XKR9: variants seen among roughly 807,000 people sequenced by gnomAD.
XKR9 encodes the protein XK related 9, also known as XK-related protein 9.
Under a neutral mutation model 32.0 loss-of-function variants are expected in XKR9, and 32 were observed. The observed-to-expected ratio is 1.00, with a 90% confidence interval of 0.76 to 1.34. XKR9 has a LOEUF of 1.34. Ranked by LOEUF, XKR9 falls within the 40% of genes most tolerant of loss-of-function variation. XKR9 has a pLI of 0.00. For synonymous variants in XKR9, 168 were observed against 143.4 expected (o/e 1.17, Z -1.22); for missense variants, 546 against 429.7 (o/e 1.27, Z -2.39).
At chr8:70,839,587 T>G in the XKR9 span, among the ~76,000 whole-genome samples, 1 of 152,182 alleles carries the variant, frequency 6.6e-6, no homozygotes, top group Non-Finnish European at 1.5e-5. Context: ...AAAACTGATA[T>G]TCTTGCAAAA....
At chr8:70,920,693 T>A in the XKR9 span, among the ~76,000 whole-genome samples, 4 of 152,160 alleles carry the variant, frequency 2.6e-5, no homozygotes, top group African/African-American at 9.6e-5. Flanking sequence ...CCTCTTTATA[T>A]ATATTTTTTA....
the XKR9 span, among the ~76,000 whole-genome samples, chr8:70,837,530 G>C: frequency 6.6e-6 from 1 of 152,204 alleles, no homozygotes; most frequent in South Asian, 2.1e-4. Context: ...ACAGGATGAT[G>C]CTCTGGAGGC....
downstream of XKR9, among the ~76,000 whole-genome samples, chr8:70,739,670 C>A (rs1312056619): frequency 6.6e-6 from 1 of 152,080 alleles, no homozygotes; most frequent in Non-Finnish European, 1.5e-5. Context: ...TTGGTGGTGA[C>A]AAAATCTCTC....
At chr8:70,757,192 T>C (rs1807239107) in intron 2 of XKR9, among the ~76,000 whole-genome samples, 1 of 152,152 alleles carries the variant, frequency 6.6e-6, no homozygotes, top group South Asian at 2.1e-4. Context: ...GAAATCTCAT[T>C]TGGTTATGAA....
downstream of XKR9, among the ~76,000 whole-genome samples, chr8:70,738,909 A>T (rs1232344307): frequency 1.3e-5 from 2 of 152,146 alleles, no homozygotes; most frequent in African/African-American, 2.4e-5. Flanking sequence ...CAATTTTGGA[A>T]TAGGTGTGGT....
At chr8:70,695,269 T>G (rs1362593502) in intron 3 of XKR9, among the ~76,000 whole-genome samples, 2 of 150,910 alleles carry the variant, frequency 1.3e-5, no homozygotes, top group Non-Finnish European at 3.0e-5. Flanking sequence ...ACTGGTGTGC[T>G]GCACCCATTA....
chr8:71,032,887 C>T, the XKR9 span, among the ~76,000 whole-genome samples: 4 of 152,212 alleles, frequency 2.6e-5, no homozygotes, highest in African/African-American at 9.6e-5. Flanking sequence ...GAGTTCAAAC[C>T]CAGCCTGGCC....
At chr8:70,874,456 GTAA>G in the XKR9 span, among the ~76,000 whole-genome samples, 4 of 152,162 alleles carry the variant, frequency 2.6e-5, no homozygotes, top group Non-Finnish European at 4.4e-5. Context: ...CAGTAAGATA[GTAA>G]TATAAAATTA....
At chr8:70,790,316 G>A (rs373083240) in exon 4 of XKR9, 5 of 152,092 alleles carry the variant, frequency 3.3e-5, no homozygotes, top group South Asian at 4.1e-4. Flanking sequence ...ATGAAAATGT[G>A]CCTTTAAAAG....
chr8:70,784,508 T>C (rs1474877661), intron 2 of XKR9, among the ~76,000 whole-genome samples: 1 of 152,110 alleles, frequency 6.6e-6, no homozygotes, highest in Non-Finnish European at 1.5e-5. Context: ...GTTGTTAGTG[T>C]GTAGAAATGC....
At chr8:70,690,501 T>G (rs1022806790) in intron 3 of XKR9, among the ~76,000 whole-genome samples, 1 of 56,088 alleles carries the variant, frequency 1.8e-5, no homozygotes, top group African/African-American at 4.0e-5. Context: ...GCCCAGCTAG[T>G]TTTTTTTTTT....
At chr8:71,055,660 C>T in the XKR9 span, among the ~76,000 whole-genome samples, 436 of 152,190 alleles carry the variant, frequency 2.9e-3, 1 homozygote, top group Non-Finnish European at 4.5e-3. Context: ...ATTAATCCTC[C>T]CCGACATTGA....
chr8:71,053,945 C>G, the XKR9 span, among the ~76,000 whole-genome samples: 2 of 152,218 alleles, frequency 1.3e-5, no homozygotes, highest in Non-Finnish European at 2.9e-5. Context: ...ACATAGAGAG[C>G]TTGTTTTCAG....
the XKR9 span, among the ~76,000 whole-genome samples, chr8:70,810,822 C>T: frequency 6.6e-6 from 1 of 152,306 alleles, no homozygotes; most frequent in East Asian, 1.9e-4. Context: ...GAGACTTAGA[C>T]TTCCACACAA....
At chr8:71,039,747 C>T in the XKR9 span, among the ~76,000 whole-genome samples, 1 of 152,134 alleles carries the variant, frequency 6.6e-6, no homozygotes, top group South Asian at 2.1e-4. Flanking sequence ...GTTGACTCCC[C>T]TCATGGTTAC....
chr8:70,936,663 G>T, the XKR9 span, among the ~76,000 whole-genome samples: 1 of 151,890 alleles, frequency 6.6e-6, no homozygotes, highest in Non-Finnish European at 1.5e-5. Flanking sequence ...CGTTAATTGA[G>T]CTGGGTCTCT....
chr8:70,960,452 T>G, the XKR9 span, among the ~76,000 whole-genome samples: 2 of 152,176 alleles, frequency 1.3e-5, no homozygotes, highest in Non-Finnish European at 2.9e-5. Context: ...CACAGATAGA[T>G]AGGTGACCCA....
At chr8:70,975,127 G>C in the XKR9 span, among the ~76,000 whole-genome samples, 11 of 152,144 alleles carry the variant, frequency 7.2e-5, no homozygotes, top group Non-Finnish European at 1.5e-4. Context: ...GTTCATTGTA[G>C]ATTTTGGATA....
chr8:70,892,107 A>G, the XKR9 span, among the ~76,000 whole-genome samples: 980 of 152,236 alleles, frequency 6.4e-3, 19 homozygotes, highest in African/African-American at 0.022. Context: ...TGCATGGAAT[A>G]TCTTTTTCCA....
Sources: gnomAD v4.1 joint callset for allele counts (sites outside exome capture counted in the v4.1 genomes callset) on GRCh38, gnomAD v4.1.1 for gene constraint, MANE v1.5 for transcripts, NCBI Gene and HGNC (gene_info 2026-07-23, HGNC 2026-07-21) for gene names.